The following AGAP1 variants were observed in gnomAD, a reference collection of about 807,000 sequenced individuals.
The protein encoded by AGAP1 is arf-GAP with GTPase, ANK repeat and PH domain-containing protein 1.
In AGAP1, 29 loss-of-function variants were observed where a neutral mutation model predicts 105.3. That is an observed-to-expected ratio of 0.28 (90% CI 0.21 to 0.38). The LOEUF (loss-of-function observed/expected upper bound fraction) is 0.38. Among genes scored for constraint, AGAP1 ranks in the 10% least tolerant of loss-of-function variants. The probability of loss-of-function intolerance (pLI) is 1.00; values close to 1 mark genes in which losing one functional copy is unlikely to be tolerated. For missense variants in AGAP1, 998 were observed against 1,165.1 expected (o/e 0.86, Z 2.09); for synonymous variants, 509 against 485.9 (o/e 1.05, Z -0.63).
At chr2:235,520,396 C>T (rs557127000) in intron 1 of AGAP1, among the ~76,000 whole-genome samples, 5 of 152,262 alleles carry the variant, frequency 3.3e-5, no homozygotes, top group Non-Finnish European at 5.9e-5. Flanking sequence ...CTCTCCTTCC[C>T]GGGGCCTGTG....
chr2:235,986,727 A>G (rs952356160), intron 13 of AGAP1, among the ~76,000 whole-genome samples: 1 of 152,190 alleles, frequency 6.6e-6, no homozygotes, highest in Non-Finnish European at 1.5e-5. Flanking sequence ...CTATTGATAT[A>G]ATGATGTGGT....
At position 235,888,961 on chromosome 2, in the gene AGAP1, A is replaced by G. The variant is rs562816799; in HGVS notation, c.1155+5512A>G. ...CAAAAACTCTGGGTGAGGGTTTTTCAATGTCTTCATTAGATGCCCTTAGGA... is the reference window on the plus strand; with the variant it reads ...CAAAAACTCTGGGTGAGGGTTTTTCGATGTCTTCATTAGATGCCCTTAGGA... On this transcript the variant is annotated intron_variant, in intron 10 of 17. Transcript: ENST00000304032. This position sits in a 1 kb window ranked among gnomAD's most constrained non-coding sequence, Gnocchi z 4.8. 1.9e-3 allele frequency among the ~76,000 whole-genome samples: 294 copies of G among 152,246 alleles called. 3 individuals are homozygous for G. Among genetic ancestry groups the G allele is most frequent in the Non-Finnish European group, 2.1e-3 (144 of 68,030 alleles).
Position 235,631,014 on chromosome 2 carries a change from C to T in AGAP1, c.164-78165C>T, listed in dbSNP as rs780602090. 1.3e-5 allele frequency among the ~76,000 whole-genome samples: 2 copies of T among 152,160 alleles called. No individual in the cohort carries two copies. Among genetic ancestry groups the T allele is most frequent in the East Asian group, 3.9e-4 (2 of 5,188 alleles). ...AACACATTCTCTGGTAACTGTGAATCGTGTCGTAAAACGCGTCTTTGGCCT... is the reference window on the plus strand; with the variant it reads ...AACACATTCTCTGGTAACTGTGAATTGTGTCGTAAAACGCGTCTTTGGCCT... On this transcript the variant is annotated intron_variant, in intron 1 of 17. Coordinates refer to ENST00000304032, the MANE Select transcript of AGAP1 (RefSeq NM_001037131.3). This position sits in a 1 kb window ranked among gnomAD's most constrained non-coding sequence, Gnocchi z 5.4.
At chr2:235,771,793 G>A (rs999157528) in intron 6 of AGAP1, among the ~76,000 whole-genome samples, 3 of 152,038 alleles carry the variant, frequency 2.0e-5, no homozygotes, top group Admixed American at 1.3e-4. Flanking sequence ...TTAGAAATGA[G>A]TTCTGAATTT....
chr2:235,868,311 A>G (rs1246656647), intron 9 of AGAP1, among the ~76,000 whole-genome samples: 2 of 152,198 alleles, frequency 1.3e-5, no homozygotes, highest in South Asian at 2.1e-4. Flanking sequence ...TGCAGCAGCA[A>G]GAGGATTCAT....
chr2:236,063,596 G>A (rs1219387171), intron 16 of AGAP1, among the ~76,000 whole-genome samples: 1 of 152,312 alleles, frequency 6.6e-6, no homozygotes, highest in Non-Finnish European at 1.5e-5. Context: ...TGGTGATTTC[G>A]ACAAGATTAA....
At chr2:235,819,740 T>A (rs1016129043) in intron 9 of AGAP1, among the ~76,000 whole-genome samples, 2 of 152,144 alleles carry the variant, frequency 1.3e-5, no homozygotes, top group African/African-American at 4.8e-5. Flanking sequence ...CATTCACGCC[T>A]CCTTTCCCAC....
In AGAP1 at chr2:235,741,425, G is replaced by T. The variant is rs1266761044; in HGVS notation, c.396+377G>T. 4.6e-5 allele frequency among the ~76,000 whole-genome samples: 7 copies of T among 152,276 alleles called. No homozygotes were observed. The highest frequency in any genetic ancestry group is 1.3e-4 in the Admixed American group (2 of 15,300). On this transcript the variant is annotated intron_variant, in intron 4 of 17. Transcript: ENST00000304032. This position sits in a 1 kb window ranked among gnomAD's most constrained non-coding sequence, Gnocchi z 4.9. ...TTGATCTCTAGAGCAGTGAGAGTTA[G>T]AGAGCTTGCTGGGTGCAATTGGGAG... is the stretch of plus-strand genomic sequence containing the variant.
chr2:235,710,223 G>A (rs185812222), intron 2 of AGAP1, among the ~76,000 whole-genome samples: 19 of 152,302 alleles, frequency 1.2e-4, no homozygotes, highest in Admixed American at 7.2e-4. Flanking sequence ...TTGGAGGACA[G>A]GACAAGGGCC....
chr2:235,689,200 G>T lies in AGAP1; in HGVS notation c.164-19979G>T, dbSNP rs576367807. On this transcript the variant is annotated intron_variant, in intron 1 of 17. Coordinates refer to ENST00000304032, the MANE Select transcript of AGAP1 (RefSeq NM_001037131.3). This position sits in a 1 kb window ranked among gnomAD's most constrained non-coding sequence, Gnocchi z 4.2. ...TGTGCTGCCTTCGGTAGATGGCCCC[G>T]GCCCTGCCTATGCCTTGGACACTCT... 1.3e-5 allele frequency among the ~76,000 whole-genome samples: 2 copies of T among 152,296 alleles called. No homozygotes were observed. The highest frequency in any genetic ancestry group is 3.9e-4 in the East Asian group (2 of 5,164).
Position 235,960,480 on chromosome 2 carries a change from G to A in AGAP1, c.1484-7982G>A, listed in dbSNP as rs959553931. On this transcript the variant is annotated intron_variant, in intron 12 of 17. Coordinates refer to ENST00000304032, the MANE Select transcript of AGAP1 (RefSeq NM_001037131.3). The surrounding 1 kb of genome is among the most constrained non-coding windows in gnomAD (Gnocchi z 4.9). ...CCCTGTTGGTCCCATTCTCTGGGGT[G>A]GCTGGAGGTGGCCTGGGTATGCTCG... is the stretch of plus-strand genomic sequence containing the variant. 7.9e-5 allele frequency among the ~76,000 whole-genome samples: 12 copies of A among 152,250 alleles called. No homozygotes were observed. The highest frequency in any genetic ancestry group is 2.6e-4 in the Admixed American group (4 of 15,294).
In AGAP1 at chr2:235,970,598, C is replaced by A. The variant is rs2054602911; in HGVS notation, c.1645+1975C>A. Reference sequence around the variant, plus strand: ...CTTGCATTTGTTGTGTGTTTCCAACCGAGGTCTGTGGTTTTTTCTTATGCA... The same window carrying A: ...CTTGCATTTGTTGTGTGTTTCCAACAGAGGTCTGTGGTTTTTTCTTATGCA... On this transcript the variant is annotated intron_variant, in intron 13 of 17. Coordinates refer to ENST00000304032, the MANE Select transcript of AGAP1 (RefSeq NM_001037131.3). This position sits in a 1 kb window ranked among gnomAD's most constrained non-coding sequence, Gnocchi z 5.4. Among the ~76,000 whole-genome samples, 1 of 152,188 alleles carries A rather than the reference C, an allele frequency of 6.6e-6. No homozygotes were observed. Among genetic ancestry groups the A allele is most frequent in the African/African-American group, 2.4e-5 (1 of 41,440 alleles).
chr2:236,014,293 C>T lies in AGAP1; in HGVS notation c.1646-22268C>T, dbSNP rs569437145. Reference sequence around the variant, plus strand: ...GTATTGCCTGAATCAAAATCTGTCTCGGGAAGACAACTTCACTTTTAACAG... The same window carrying T: ...GTATTGCCTGAATCAAAATCTGTCTTGGGAAGACAACTTCACTTTTAACAG... On this transcript the variant is annotated intron_variant, in intron 13 of 17. Coordinates refer to ENST00000304032, the MANE Select transcript of AGAP1 (RefSeq NM_001037131.3). The surrounding 1 kb of genome is among the most constrained non-coding windows in gnomAD (Gnocchi z 6.3). Among the ~76,000 whole-genome samples, 4 of 152,154 alleles carry T rather than the reference C, an allele frequency of 2.6e-5. No individual in the cohort carries two copies. Among genetic ancestry groups the T allele is most frequent in the Non-Finnish European group, 2.9e-5 (2 of 68,034 alleles).
At position 236,078,155 on chromosome 2, in the gene AGAP1, GGTGTGT is replaced by G. The variant is rs145700440; in HGVS notation, c.2114+28889_2114+28894del. On this transcript the variant is annotated intron_variant, in intron 16 of 17. Coordinates refer to ENST00000304032, the MANE Select transcript of AGAP1 (RefSeq NM_001037131.3). This position sits in a 1 kb window ranked among gnomAD's most constrained non-coding sequence, Gnocchi z 5.3. Reference sequence around the variant, plus strand: ...AAGTGTGTAGGGCAGGCCAGCCGGGGGTGTGTGTGTGTGTGTGTGTATATGTATGTG... The same window carrying G: ...AAGTGTGTAGGGCAGGCCAGCCGGGGGTGTGTGTGTGTGTATATGTATGTG... Among the ~76,000 whole-genome samples, 1,001 of 146,472 alleles carry G rather than the reference GGTGTGT, an allele frequency of 6.8e-3. 8 individuals carry two copies. Among genetic ancestry groups the G allele is most frequent in the African/African-American group, 0.023 (930 of 39,964 alleles).
intron 1 of AGAP1, among the ~76,000 whole-genome samples, chr2:235,530,701 C>A (rs899710701): frequency 3.3e-5 from 5 of 151,552 alleles, no homozygotes; most frequent in African/African-American, 1.2e-4. Flanking sequence ...TGATAAGGAC[C>A]CTTGTGATTA....
In AGAP1 at chr2:235,879,824, C is replaced by T. The variant is rs541583470; in HGVS notation, c.1051-3521C>T. On this transcript the variant is annotated intron_variant, in intron 9 of 17. Transcript: ENST00000304032. The surrounding 1 kb of genome is among the most constrained non-coding windows in gnomAD (Gnocchi z 5.0). ...GCATGTGTGTGTAGTCCTAGCTACT[C>T]GGAGGAGGCTGGCGCAGGAGAATTG... Among the ~76,000 whole-genome samples, 17 of 152,194 alleles carry T rather than the reference C, an allele frequency of 1.1e-4. No homozygotes were observed. Among genetic ancestry groups the T allele is most frequent in the Admixed American group, 3.9e-4 (6 of 15,290 alleles).
At chr2:235,929,699 C>T (rs948745357) in intron 11 of AGAP1, among the ~76,000 whole-genome samples, 1 of 151,930 alleles carries the variant, frequency 6.6e-6, no homozygotes, top group Non-Finnish European at 1.5e-5. Flanking sequence ...ATCCATATCA[C>T]CGGAGTGCTT....
At chr2:235,564,906 A>G (rs1944294694) in intron 1 of AGAP1, among the ~76,000 whole-genome samples, 1 of 138,782 alleles carries the variant, frequency 7.2e-6, no homozygotes, top group Non-Finnish European at 1.6e-5. Context: ...ACCCAGAGCC[A>G]AGGTATGAGC....
At chr2:235,895,736 TG>T (rs2050773666) in intron 10 of AGAP1, among the ~76,000 whole-genome samples, 1 of 142,178 alleles carries the variant, frequency 7.0e-6, no homozygotes, top group African/African-American at 2.9e-5. Flanking sequence ...GATGGATGGA[TG>T]GATGGATGGA....
Sources: allele counts gnomAD v4.1 joint callset (sites outside exome capture counted in the v4.1 genomes callset), GRCh38; gene constraint gnomAD v4.1.1; non-coding constraint Gnocchi (gnomAD v3.1); transcripts MANE v1.5; gene names NCBI Gene and HGNC (gene_info 2026-07-23, HGNC 2026-07-21).